ZNF385D: variants seen among roughly 807,000 people sequenced by gnomAD.
ZNF385D encodes zinc finger protein 385D, also known as zinc finger protein 659.
A neutral mutation model predicts 35.8 loss-of-function variants in ZNF385D; 15 were observed. The ratio of observed to expected loss-of-function variants is 0.42; its 90% CI spans 0.28 to 0.64. ZNF385D has a LOEUF of 0.64. Ranked by LOEUF, ZNF385D falls within the 30% of genes least tolerant of loss-of-function variation. The pLI, the probability that ZNF385D is intolerant of heterozygous loss-of-function variation, is 0.23. For missense variants in ZNF385D, 474 were observed against 494.6 expected (o/e 0.96, Z 0.39); for synonymous variants, 212 against 186.8 (o/e 1.13, Z -1.10).
At chr3:22,166,673 C>G (rs1415577502) in intron 3 of ZNF385D, among the ~76,000 whole-genome samples, 1 of 152,196 alleles carries the variant, frequency 6.6e-6, no homozygotes, top group East Asian at 1.9e-4. Context: ...TTTAAAAATA[C>G]TGAACTTGAG....
intron 3 of ZNF385D, among the ~76,000 whole-genome samples, chr3:22,041,624 G>A (rs566855002): frequency 6.6e-5 from 10 of 152,080 alleles, no homozygotes; most frequent in African/African-American, 2.4e-4. Flanking sequence ...ACTAAAATAG[G>A]CTCAGACTGA....
At chr3:22,139,418 T>C (rs561587622) in intron 3 of ZNF385D, among the ~76,000 whole-genome samples, 3,007 of 152,166 alleles carry the variant, frequency 0.02, 112 homozygotes, top group African/African-American at 0.068. Context: ...ATATACACCA[T>C]GGAATACTAT....
intron 3 of ZNF385D, among the ~76,000 whole-genome samples, chr3:21,815,028 C>G (rs530529960): frequency 6.6e-6 from 1 of 152,308 alleles, no homozygotes; most frequent in South Asian, 2.1e-4. Flanking sequence ...AATTAAGAAG[C>G]TCACTCAAAA....
chr3:21,953,771 T>G (rs1339985185), intron 3 of ZNF385D, among the ~76,000 whole-genome samples: 2 of 152,078 alleles, frequency 1.3e-5, no homozygotes, highest in Non-Finnish European at 2.9e-5. Flanking sequence ...AGTAATTTAC[T>G]TAGGCTTGCA....
chr3:21,776,969 A>C (rs973486494), intron 3 of ZNF385D, among the ~76,000 whole-genome samples: 1 of 151,970 alleles, frequency 6.6e-6, no homozygotes, highest in African/African-American at 2.4e-5. Flanking sequence ...GAATCCCTGC[A>C]AACAATTGCT....
chr3:21,778,460 G>A (rs2071374317), intron 3 of ZNF385D, among the ~76,000 whole-genome samples: 1 of 151,792 alleles, frequency 6.6e-6, no homozygotes, highest in African/African-American at 2.4e-5. Context: ...CATCTCACAG[G>A]GGTAATCTAA....
At chr3:21,913,167 G>A (rs1700044766) in intron 3 of ZNF385D, among the ~76,000 whole-genome samples, 1 of 152,034 alleles carries the variant, frequency 6.6e-6, no homozygotes, top group South Asian at 2.1e-4. Flanking sequence ...TTCAACAGGA[G>A]AATGAATCCT....
chr3:22,302,662 A>G (rs1466139331), intron 2 of ZNF385D, among the ~76,000 whole-genome samples: 1 of 152,008 alleles, frequency 6.6e-6, no homozygotes, highest in Admixed American at 6.6e-5. Flanking sequence ...ATGGTATTCT[A>G]TGGAATTTTT....
At chr3:22,303,690 G>A (rs377494373) in intron 2 of ZNF385D, among the ~76,000 whole-genome samples, 16 of 151,894 alleles carry the variant, frequency 1.1e-4, no homozygotes, top group African/African-American at 2.4e-4. Flanking sequence ...ATACGTTTAC[G>A]GTATATGTTT....
At chr3:21,671,872 C>T (rs1325510479) in intron 1 of ZNF385D, among the ~76,000 whole-genome samples, 1 of 152,132 alleles carries the variant, frequency 6.6e-6, no homozygotes, top group Non-Finnish European at 1.5e-5. Context: ...CATGCTGGCA[C>T]TGCCTTATAT....
intron 2 of ZNF385D, among the ~76,000 whole-genome samples, chr3:22,269,486 G>C (rs559555195): frequency 2.0e-5 from 3 of 152,044 alleles, no homozygotes; most frequent in African/African-American, 4.8e-5. Flanking sequence ...AACAGCCAAG[G>C]AAGTTTAGGT....
chr3:22,025,580 T>G (rs2125464035), intron 3 of ZNF385D, among the ~76,000 whole-genome samples: 1 of 152,308 alleles, frequency 6.6e-6, no homozygotes, highest in East Asian at 1.9e-4. Flanking sequence ...CTGCATTTAA[T>G]GTTGCAGCTC....
At chr3:21,679,558 T>C (rs2066834735) in intron 1 of ZNF385D, among the ~76,000 whole-genome samples, 1 of 152,046 alleles carries the variant, frequency 6.6e-6, no homozygotes, top group South Asian at 2.1e-4. Flanking sequence ...TGAAAGCTAA[T>C]CCAGAGAGAA....
chr3:21,615,793 A>AGTGTGTGTGTGTGTGTGTGTGTGT lies in ZNF385D; in HGVS notation c.165+49069_165+49092dup, dbSNP rs144521609. Among the ~76,000 whole-genome samples the AGTGTGTGTGTGTGTGTGTGTGTGT allele has an allele frequency of 1.0e-3, 151 of 145,348 alleles. 2 individuals are homozygous for AGTGTGTGTGTGTGTGTGTGTGTGT. The highest frequency in any genetic ancestry group is 3.0e-3 in the South Asian group (13 of 4,392). Reference sequence around the variant, plus strand: ...ATGACTGCAAAGAAAATGGAGAAAGAGTGTGTGTGTGTGTGTGTGTGTGTT... The same window carrying AGTGTGTGTGTGTGTGTGTGTGTGT: ...ATGACTGCAAAGAAAATGGAGAAAGAGTGTGTGTGTGTGTGTGTGTGTGTGTGTGTGTGTGTGTGTGTGTGTGTT... On this transcript the variant is annotated intron_variant, in intron 2 of 7. Transcript: ENST00000281523.
At chr3:21,664,459 C>T (rs2125259629) in intron 2 of ZNF385D, among the ~76,000 whole-genome samples, 1 of 152,180 alleles carries the variant, frequency 6.6e-6, no homozygotes, top group Admixed American at 6.5e-5. Context: ...CTGCCATTGT[C>T]AAGGTCCTAT....
chr3:21,786,972 T>C (rs772712047), intron 3 of ZNF385D, among the ~76,000 whole-genome samples: 3 of 152,204 alleles, frequency 2.0e-5, no homozygotes, highest in Non-Finnish European at 4.4e-5. Flanking sequence ...ATAGTGTGAA[T>C]TGAACACGTG....
chr3:21,919,680 A>AG (rs1375819440), intron 3 of ZNF385D, among the ~76,000 whole-genome samples: 1 of 152,224 alleles, frequency 6.6e-6, no homozygotes, highest in African/African-American at 2.4e-5. Flanking sequence ...AAATTTAACC[A>AG]TATAATTCCC....
chr3:21,977,728 C>G (rs942872655), intron 3 of ZNF385D, among the ~76,000 whole-genome samples: 3 of 151,790 alleles, frequency 2.0e-5, no homozygotes, highest in Non-Finnish European at 2.9e-5. Context: ...CCCAGCTACT[C>G]GGGAGGCTGA....
intron 3 of ZNF385D, among the ~76,000 whole-genome samples, chr3:22,126,364 C>T (rs1389113695): frequency 1.5e-5 from 2 of 130,850 alleles, no homozygotes; most frequent in African/African-American, 2.8e-5. Context: ...TTGCTATTAA[C>T]CTTCCTCTTA....
Sources: gnomAD v4.1 joint callset for allele counts (sites outside exome capture counted in the v4.1 genomes callset) on GRCh38, gnomAD v4.1.1 for gene constraint, MANE v1.5 for transcripts, NCBI Gene and HGNC (gene_info 2026-07-23, HGNC 2026-07-21) for gene names.